The following SDK1 variants were observed in gnomAD, a reference collection of about 807,000 sequenced individuals.
The protein encoded by SDK1 is sidekick cell adhesion molecule 1, also known as protein sidekick-1.
Under a neutral mutation model 245.5 loss-of-function variants are expected in SDK1, and 157 were observed. The ratio of observed to expected loss-of-function variants is 0.64; its 90% CI spans 0.56 to 0.73. SDK1 has a LOEUF of 0.73. SDK1 is among the 30% of genes least tolerant of loss of function. The probability of loss-of-function intolerance (pLI) is 0.00; values close to 1 mark genes in which losing one functional copy is unlikely to be tolerated. For synonymous variants in SDK1, 1,647 were observed against 1,278.5 expected, an observed-to-expected ratio of 1.29 and a Z score of -6.15; for missense variants, 3,583 against 3,002.3, an observed-to-expected ratio of 1.19 and a Z score of -4.52.
intron 5 of SDK1, among the ~76,000 whole-genome samples, chr7:3,933,541 C>G (rs1350476516): frequency 6.6e-6 from 1 of 152,152 alleles, no homozygotes; most frequent in African/African-American, 2.4e-5. Flanking sequence ...AGTAGTCTGT[C>G]ACTTGATGTT....
intron 17 of SDK1, among the ~76,000 whole-genome samples, chr7:4,030,153 C>A (rs935793251): frequency 1.3e-5 from 2 of 152,316 alleles, no homozygotes; most frequent in Admixed American, 1.3e-4. Context: ...AAAATTCAGG[C>A]CCCTCTGAGG....
chr7:4,049,893 A>G (rs1789313378), intron 18 of SDK1, among the ~76,000 whole-genome samples: 1 of 152,080 alleles, frequency 6.6e-6, no homozygotes, highest in African/African-American at 2.4e-5. Context: ...CTTCAGGGAG[A>G]GTTCTGTTTA....
chr7:3,756,385 CAT>C (rs1412243888), intron 4 of SDK1, among the ~76,000 whole-genome samples: 1 of 151,736 alleles, frequency 6.6e-6, no homozygotes, highest in African/African-American at 2.4e-5. Context: ...TGGCATAGCA[CAT>C]GTGACACATG....
At chr7:4,252,162 T>C (rs1787343631) in intron 44 of SDK1, among the ~76,000 whole-genome samples, 1 of 152,226 alleles carries the variant, frequency 6.6e-6, no homozygotes. Context: ...ACCCATTAAC[T>C]TGTCATTTAA....
chr7:4,146,237 G>C (rs1400178375), intron 29 of SDK1, among the ~76,000 whole-genome samples: 1 of 150,638 alleles, frequency 6.6e-6, no homozygotes, highest in African/African-American at 2.5e-5. Flanking sequence ...TGCTCTCTCA[G>C]ACATGTGAGC....
At chr7:4,224,826 G>A (rs983598695) in intron 40 of SDK1, among the ~76,000 whole-genome samples, 2 of 150,986 alleles carry the variant, frequency 1.3e-5, no homozygotes, top group Non-Finnish European at 3.0e-5. Flanking sequence ...ACTACAAATA[G>A]AAAAAAATTA....
At chr7:4,014,428 T>C (rs1418162911) in intron 16 of SDK1, among the ~76,000 whole-genome samples, 1 of 152,144 alleles carries the variant, frequency 6.6e-6, no homozygotes, top group African/African-American at 2.4e-5. Context: ...CCTGTGAATA[T>C]CAAAGTTTTC....
At chr7:3,577,706 C>T (rs376931782) in intron 1 of SDK1, among the ~76,000 whole-genome samples, 1 of 152,012 alleles carries the variant, frequency 6.6e-6, no homozygotes, top group African/African-American at 2.4e-5. Flanking sequence ...AGAACTGAGC[C>T]CTTGAAGTGC....
chr7:3,378,374 G>C (rs1295969378), intron 1 of SDK1, among the ~76,000 whole-genome samples: 1 of 152,198 alleles, frequency 6.6e-6, no homozygotes, highest in Non-Finnish European at 1.5e-5. Flanking sequence ...GGGTGGGACG[G>C]GAGGTAGACA....
intron 19 of SDK1, among the ~76,000 whole-genome samples, chr7:4,065,694 G>GTTGTTTTTTTTTTTTT (rs1779841876): frequency 6.0e-5 from 4 of 66,756 alleles, no homozygotes; most frequent in African/African-American, 1.4e-4. Flanking sequence ...AGTGGTTGTT[G>GTTGTTTTTTTTTTTTT]TTTTTTTTTT....
chr7:3,925,906 A>G (rs530398083), intron 5 of SDK1, among the ~76,000 whole-genome samples: 41 of 152,314 alleles, frequency 2.7e-4, no homozygotes, highest in Admixed American at 4.6e-4. Context: ...GCTGTTAACA[A>G]TACTCTGTAT....
chr7:3,758,979 G>T (rs763929324), intron 4 of SDK1, among the ~76,000 whole-genome samples: 1 of 152,022 alleles, frequency 6.6e-6, no homozygotes, highest in Non-Finnish European at 1.5e-5. Flanking sequence ...TTCCTCCCTT[G>T]GTTACTTGTA....
At chr7:3,438,971 G>A (rs1431956926) in intron 1 of SDK1, among the ~76,000 whole-genome samples, 1 of 150,806 alleles carries the variant, frequency 6.6e-6, no homozygotes, top group Non-Finnish European at 1.5e-5. Context: ...TCCTGCCTCA[G>A]CCTCCCGAGT....
At chr7:3,704,477 G>T (rs909471170) in intron 4 of SDK1, among the ~76,000 whole-genome samples, 22 of 151,300 alleles carry the variant, frequency 1.5e-4, no homozygotes, top group African/African-American at 4.9e-4. Context: ...TATGTCTCTT[G>T]TATATCTTCT....
At chr7:3,385,218 A>G (rs1583779444) in intron 1 of SDK1, among the ~76,000 whole-genome samples, 2 of 152,180 alleles carry the variant, frequency 1.3e-5, no homozygotes, top group East Asian at 1.9e-4. Flanking sequence ...CTATGAATTG[A>G]TAATACCTTG....
chr7:4,078,602 G>C (rs557787494), intron 21 of SDK1, among the ~76,000 whole-genome samples: 1 of 152,248 alleles, frequency 6.6e-6, no homozygotes, highest in African/African-American at 2.4e-5. Flanking sequence ...AGCTGCCCTA[G>C]CCTTGCATTT....
intron 19 of SDK1, among the ~76,000 whole-genome samples, chr7:4,058,614 A>G (rs1038065500): frequency 1.3e-5 from 2 of 152,208 alleles, no homozygotes; most frequent in African/African-American, 2.4e-5. Context: ...GCATCTACTC[A>G]CTTATAAGAG....
At chr7:3,337,413 A>T (rs1361264236) in intron 1 of SDK1, among the ~76,000 whole-genome samples, 2 of 152,132 alleles carry the variant, frequency 1.3e-5, no homozygotes, top group African/African-American at 4.8e-5. Flanking sequence ...GATAAAAGAG[A>T]TAACACTTGT....
At chr7:3,302,639 G>A (rs1215768665) in intron 1 of SDK1, among the ~76,000 whole-genome samples, 1 of 109,952 alleles carries the variant, frequency 9.1e-6, no homozygotes, top group African/African-American at 3.5e-5. Context: ...GACAAAACCC[G>A]TAACGTACCC....
Sources: allele counts gnomAD v4.1 joint callset (sites outside exome capture counted in the v4.1 genomes callset), GRCh38; gene constraint gnomAD v4.1.1; transcripts MANE v1.5; gene names NCBI Gene and HGNC (gene_info 2026-07-23, HGNC 2026-07-21).